Variants in DNAH17 observed in about 807,000 individuals in gnomAD.
DNAH17 encodes the protein axonemal beta dynein heavy chain 17.
Under a neutral mutation model 485.6 loss-of-function variants are expected in DNAH17, and 376 were observed. That is an observed-to-expected ratio of 0.77 (90% CI 0.71 to 0.84). DNAH17 has a LOEUF of 0.84. Ranked by LOEUF, DNAH17 falls within the 40% of genes least tolerant of loss-of-function variation. DNAH17 has a pLI of 0.00. For synonymous variants in DNAH17, 3,031 were observed against 2,405.9 expected, an observed-to-expected ratio of 1.26 and a Z score of -7.60; for missense variants, 6,370 against 5,839.3, an observed-to-expected ratio of 1.09 and a Z score of -2.96.
chr17:78,487,563 G>A (rs577745437), intron 44 of DNAH17, among the ~76,000 whole-genome samples: 1 of 152,260 alleles, frequency 6.6e-6, no homozygotes, highest in South Asian at 2.1e-4. Context: ...CTGAGATGGA[G>A]TCTTGCTCTG....
rs562243675 is a variant in DNAH17 at position 78,525,170 on chromosome 17, G to A, written c.3712-9C>T. The A allele has an allele frequency of 1.1e-4, 184 of 1,610,772 alleles. No individual in the cohort carries two copies. Among genetic ancestry groups the A allele is most frequent in the Middle Eastern group, 3.3e-4 (2 of 6,036 alleles). ...GAGATGCTCTTTTGTTGCTAGGGGCGGCGAGGGGGCCGTCAGTAGGGCTAC... is the reference window on the plus strand; with the variant it reads ...GAGATGCTCTTTTGTTGCTAGGGGCAGCGAGGGGGCCGTCAGTAGGGCTAC... On this transcript the variant is annotated splice_polypyrimidine_tract_variant and intron_variant, in intron 24 of 80. Coordinates refer to ENST00000389840, the MANE Select transcript of DNAH17 (RefSeq NM_173628.4).
At chr17:78,521,378 C>T (rs904935865) in intron 25 of DNAH17, among the ~76,000 whole-genome samples, 5 of 152,016 alleles carry the variant, frequency 3.3e-5, no homozygotes, top group African/African-American at 9.7e-5. Flanking sequence ...AGCACTCCAG[C>T]CTGGGTGACA....
chr17:78,525,366 C>T (rs769635091), intron 24 of DNAH17, among the ~76,000 whole-genome samples: 6 of 152,282 alleles, frequency 3.9e-5, no homozygotes, highest in Non-Finnish European at 5.9e-5. Context: ...CAGGGGAGGG[C>T]GGGTGACCTC....
At chr17:78,430,362 C>A (rs76333327) in intron 75 of DNAH17, among the ~76,000 whole-genome samples, 2 of 152,146 alleles carry the variant, frequency 1.3e-5, no homozygotes, top group Admixed American at 1.3e-4. Flanking sequence ...GAAATCCTGC[C>A]GCTCACAGTC....
intron 25 of DNAH17, among the ~76,000 whole-genome samples, chr17:78,516,978 G>A (rs2090803372): frequency 6.6e-6 from 1 of 152,228 alleles, no homozygotes; most frequent in Non-Finnish European, 1.5e-5. Context: ...CCTCAAATGA[G>A]TTAATTCAAT....
chr17:78,494,577 AC>A lies in DNAH17; in HGVS notation c.6270+15del. The A allele has an allele frequency of 1.9e-6, 3 of 1,612,652 alleles. No individual in the cohort carries two copies. In the South Asian group the frequency reaches 3.3e-5, roughly 18 times the overall value. The stretch of plus-strand genomic sequence containing the variant: ...GCAGGCTTCTCCGGACAGACCTGAG[AC>A]CCAGGAGTCCCGACCTTTTCAAAAT... On this transcript the variant is annotated intron_variant, in intron 40 of 80. Coordinates refer to ENST00000389840, the MANE Select transcript of DNAH17 (RefSeq NM_173628.4).
At chr17:78,437,894 A>G in intron 73 of DNAH17, 26 bp from the exon 74 acceptor site, 2 of 1,572,542 alleles carry the variant, frequency 1.3e-6, no homozygotes, top group Non-Finnish European at 1.7e-6. Context: ...GAGGCTGGTT[A>G]CACACTTTGC....
intron 72 of DNAH17, 75 bp downstream of exon 72, chr17:78,440,965 ATGTGCTTTTGG>A (rs776658130): frequency 1.0e-5 from 15 of 1,497,262 alleles, no homozygotes; most frequent in African/African-American, 1.4e-5. Context: ...GTGGTGTCTC[ATGTGCTTTTGG>A]TGTGCATTTT....
intron 9 of DNAH17, among the ~76,000 whole-genome samples, chr17:78,568,342 C>A (rs1040044402): frequency 2.0e-5 from 3 of 152,126 alleles, no homozygotes; most frequent in Admixed American, 6.5e-5. Context: ...CCCTGCCCCC[C>A]AGGAGGTGTA....
intron 74 of DNAH17, among the ~76,000 whole-genome samples, chr17:78,434,900 G>A (rs1239887541): frequency 1.3e-5 from 2 of 152,206 alleles, no homozygotes; most frequent in African/African-American, 4.8e-5. Context: ...ACTCTGTGTG[G>A]GGGGAGGGCT....
At chr17:78,446,734 C>T (rs2087322409) in intron 69 of DNAH17, among the ~76,000 whole-genome samples, 1 of 152,212 alleles carries the variant, frequency 6.6e-6, no homozygotes, top group African/African-American at 2.4e-5. Flanking sequence ...ACTTCCACCT[C>T]CTGGGTTCAA....
intron 54 of DNAH17, among the ~76,000 whole-genome samples, chr17:78,471,392 C>G (rs1349444236): frequency 6.6e-6 from 1 of 152,162 alleles, no homozygotes; most frequent in African/African-American, 2.4e-5. Context: ...GACCCTGCCT[C>G]GAGGTAAGGA....
intron 62 of DNAH17, 93 bp from the exon 63 acceptor site, chr17:78,455,929 G>C (rs2087776628): frequency 3.5e-6 from 4 of 1,128,398 alleles, no homozygotes; most frequent in Non-Finnish European, 4.8e-6. Flanking sequence ...TGAATCTTCA[G>C]AGTTTCCCGT....
In DNAH17 at chr17:78,480,668, T is replaced by G; in HGVS notation, c.7752+16A>C. On this transcript the variant is annotated intron_variant, in intron 49 of 80. Coordinates refer to ENST00000389840, the MANE Select transcript of DNAH17 (RefSeq NM_173628.4). ...ACTCATGGCAGGTGACGGGGATGAG[T>G]ATGGTTTCTGCTTACCTGAAGCCTG... The G allele has an allele frequency of 6.2e-7, 1 of 1,606,698 alleles. No homozygotes were observed. The highest frequency in any genetic ancestry group is 8.5e-7 in the Non-Finnish European group (1 of 1,175,268).
intron 51 of DNAH17, among the ~76,000 whole-genome samples, chr17:78,477,431 T>C (rs751058128): frequency 6.6e-6 from 1 of 151,968 alleles, no homozygotes; most frequent in Non-Finnish European, 1.5e-5. Context: ...CAGGCTGGAG[T>C]GCAGTGGCAC....
At chr17:78,461,287 C>T (rs548344724) in intron 58 of DNAH17, among the ~76,000 whole-genome samples, 1 of 152,304 alleles carries the variant, frequency 6.6e-6, no homozygotes, top group South Asian at 2.1e-4. Context: ...GGTGAGGCTG[C>T]CGCTGTAGGC....
intron 31 of DNAH17, 54 bp downstream of exon 31, chr17:78,505,239 A>T (rs1335687146): frequency 6.2e-7 from 1 of 1,605,778 alleles, no homozygotes; most frequent in African/African-American, 1.3e-5. Context: ...TGTGGCCCAC[A>T]CGCGTGCTGC....
chr17:78,470,947 T>C (rs979028668), intron 54 of DNAH17, among the ~76,000 whole-genome samples: 10 of 152,240 alleles, frequency 6.6e-5, no homozygotes, highest in Non-Finnish European at 1.0e-4. Flanking sequence ...TAAAGCATTT[T>C]ACAGAGCAGT....
chr17:78,443,007 C>T (rs1025038654), intron 71 of DNAH17, among the ~76,000 whole-genome samples: 16 of 152,342 alleles, frequency 1.1e-4, no homozygotes, highest in South Asian at 2.1e-4. Flanking sequence ...CTTTGCTCCA[C>T]GTCATAGAAA....
Sources: allele counts gnomAD v4.1 joint callset (sites outside exome capture counted in the v4.1 genomes callset), GRCh38; gene constraint gnomAD v4.1.1; transcripts MANE v1.5; gene names NCBI Gene and HGNC (gene_info 2026-07-23, HGNC 2026-07-21).